TTC9: variants seen among roughly 807,000 people sequenced by gnomAD.
TTC9 encodes tetratricopeptide repeat protein 9A.
A neutral mutation model predicts 22.9 loss-of-function variants in TTC9; 13 were observed. That is an observed-to-expected ratio of 0.57 (90% CI 0.37 to 0.90). TTC9 has a LOEUF of 0.90. TTC9 is among the 40% of genes least tolerant of loss of function. TTC9 has a pLI of 0.01. For synonymous variants in TTC9, 148 were observed against 133.2 expected (o/e 1.11, Z -0.77); for missense variants, 280 against 291.8 (o/e 0.96, Z 0.29).
intron 1 of TTC9, among the ~76,000 whole-genome samples, chr14:70,650,315 G>C (rs987542585): frequency 7.2e-5 from 11 of 152,022 alleles, no homozygotes; most frequent in African/African-American, 2.7e-4. Context: ...CCCAGCTACT[G>C]GGGAGGCTGA....
At chr14:70,654,777 G>C (rs1360003022) in intron 1 of TTC9, among the ~76,000 whole-genome samples, 1 of 152,106 alleles carries the variant, frequency 6.6e-6, no homozygotes, top group Non-Finnish European at 1.5e-5. Flanking sequence ...AGAGACTTCA[G>C]TGCAGCCACA....
intron 1 of TTC9, among the ~76,000 whole-genome samples, chr14:70,658,264 G>A (rs1183304964): frequency 6.6e-6 from 1 of 152,174 alleles, no homozygotes; most frequent in African/African-American, 2.4e-5. Flanking sequence ...AGTTAAATGA[G>A]TTGTAAAACA....
intron 1 of TTC9, among the ~76,000 whole-genome samples, chr14:70,659,547 G>C (rs1886116704): frequency 6.6e-6 from 1 of 152,134 alleles, no homozygotes; most frequent in East Asian, 1.9e-4. Flanking sequence ...AGGAGGAGGG[G>C]AAACTTTGCA....
intron 1 of TTC9, 60 bp downstream of exon 1, chr14:70,642,595 G>A (rs1390995331): frequency 6.9e-7 from 1 of 1,448,948 alleles, no homozygotes; most frequent in East Asian, 2.6e-5. Flanking sequence ...TCCCTCCGCG[G>A]ACCACTGCGG....
rs1360286295 is a variant in TTC9, at chr14:70,671,150, A to G, written c.664A>G (p.Met222Val). The change falls in exon 3 of 3, where the codon ATG (methionine) becomes GTG (valine). Residue 222 changes from methionine to valine, a missense_variant. Around this residue, in one of 5 missense-constraint regions of TTC9, gnomAD observed 22 missense variants for 20.4 expected, o/e 1.08. Coordinates refer to ENST00000256367, the MANE Select transcript of TTC9 (RefSeq NM_015351.2). ...SRCSQREKEA[M>V] ...ATGCTCCCAGAGAGAAAAAGAAGCC[A>G]TGTAACCAGGAAGCAGCTCCAGAGC... The G allele has an allele frequency of 1.2e-6, 2 of 1,613,514 alleles. No homozygotes were observed. The highest frequency in any genetic ancestry group is 2.7e-5 in the African/African-American group (2 of 75,046).
chr14:70,657,474 AGT>A (rs1886084086), intron 1 of TTC9, among the ~76,000 whole-genome samples: 1 of 152,252 alleles, frequency 6.6e-6, no homozygotes, highest in Non-Finnish European at 1.5e-5. Context: ...CACACTTGAC[AGT>A]GTTTGTTTGA....
intron 1 of TTC9, among the ~76,000 whole-genome samples, chr14:70,643,529 C>T (rs754902625): frequency 3.9e-5 from 6 of 152,142 alleles, no homozygotes; most frequent in African/African-American, 9.7e-5. Flanking sequence ...CAACCTTCTC[C>T]GACCAAACAA....
At chr14:70,667,882 A>T (rs1886236615) in intron 2 of TTC9, 136 bp downstream of exon 2, 1 of 836,006 alleles carries the variant, frequency 1.2e-6, no homozygotes, top group Non-Finnish European at 1.8e-6. Flanking sequence ...GATATATATG[A>T]TAAGACCTAA....
chr14:70,663,162 C>T (rs967556627), intron 1 of TTC9, among the ~76,000 whole-genome samples: 3 of 152,272 alleles, frequency 2.0e-5, no homozygotes, highest in Non-Finnish European at 4.4e-5. Flanking sequence ...CTTTCTTTTC[C>T]AGCTTCACCT....
chr14:70,651,724 T>C (rs1885987206), intron 1 of TTC9, among the ~76,000 whole-genome samples: 1 of 152,114 alleles, frequency 6.6e-6, no homozygotes, highest in Non-Finnish European at 1.5e-5. Flanking sequence ...TCAGCACTTG[T>C]GATGTAAACT....
At position 70,671,614 on chromosome 14, in the gene TTC9, C is replaced by T. The variant is rs992847539; in HGVS notation, c.*459C>T. 6.8e-5 allele frequency: 11 copies of T among 160,938 alleles called. No homozygotes were observed. Among genetic ancestry groups the T allele is most frequent in the Admixed American group, 2.4e-4 (4 of 16,362 alleles). The allele number at this position is 160,938 out of a possible 1,614,324, so 10.0% of individuals were successfully genotyped here. A position where few individuals can be genotyped will look rare whatever the true frequency, so the allele number is the denominator to read the frequency against. ...GAGGCAACTGTTAGAAATCCAGGGA[C>T]GAGACAAACAGAGAAGCGCTGGTGA... On this transcript the variant is annotated 3_prime_UTR_variant, in exon 3 of 3. Coordinates refer to ENST00000256367, the MANE Select transcript of TTC9 (RefSeq NM_015351.2).
chr14:70,673,199 G>T lies in TTC9; in HGVS notation c.*2044G>T, dbSNP rs1432187177. 1.3e-5 allele frequency: 2 copies of T among 152,142 alleles called. No individual in the cohort carries two copies. Among genetic ancestry groups the T allele is most frequent in the Non-Finnish European group, 2.9e-5 (2 of 68,036 alleles). 9.4% of individuals were successfully genotyped at this position (152,142 alleles called of 1,614,324 possible). On this transcript the variant is annotated 3_prime_UTR_variant, in exon 3 of 3. Transcript: ENST00000256367. ...TCACCCATCCCCAGCATTGGGAAAG[G>T]GTCACAATTAAGACCGAAAGGAAAC... is the stretch of plus-strand genomic sequence containing the variant.
intron 2 of TTC9, among the ~76,000 whole-genome samples, chr14:70,668,903 TC>T (rs1460683467): frequency 4.9e-5 from 7 of 142,784 alleles, no homozygotes; most frequent in African/African-American, 7.8e-5. Context: ...ATGCCTGTAA[TC>T]CCAGCACTTT....
intron 1 of TTC9, among the ~76,000 whole-genome samples, chr14:70,666,066 T>G (rs910927164): frequency 2.6e-5 from 4 of 151,994 alleles, no homozygotes; most frequent in African/African-American, 9.7e-5. Context: ...ACTTTGCCGT[T>G]GGTCAATGCC....
Position 70,642,403 on chromosome 14 carries a change from C to CAA in TTC9, c.274_275insAA (p.Pro92GlnfsTer20). 6.3e-7 allele frequency: 1 copy of CAA among 1,599,862 alleles called. No homozygotes were observed. Among genetic ancestry groups the CAA allele is most frequent in the South Asian group, 1.1e-5 (1 of 88,830 alleles). ...GTTGCTGGAGCTGAAGGGGCTGCTGCCGCCCCCCGGGGAACGGGAGCGGGA... is the reference window on the plus strand; with the variant it reads ...GTTGCTGGAGCTGAAGGGGCTGCTGCAACGCCCCCCGGGGAACGGGAGCGGGA... On this transcript the variant is annotated frameshift_variant, in exon 1 of 3. Coordinates refer to ENST00000256367, the MANE Select transcript of TTC9 (RefSeq NM_015351.2). LOFTEE classifies it high-confidence loss of function.
chr14:70,654,923 T>G (rs1886040206), intron 1 of TTC9, among the ~76,000 whole-genome samples: 1 of 152,220 alleles, frequency 6.6e-6, no homozygotes, highest in Admixed American at 6.5e-5. Context: ...TGGTTGCCTT[T>G]GATTGGCTAA....
chr14:70,651,002 C>G (rs1466563483), intron 1 of TTC9, among the ~76,000 whole-genome samples: 3 of 150,982 alleles, frequency 2.0e-5, no homozygotes, highest in African/African-American at 7.3e-5. Flanking sequence ...TTTTTTGAGA[C>G]ATAGTCTCAT....
In TTC9 at chr14:70,642,552, C is replaced by A; in HGVS notation, c.406+17C>A. On this transcript the variant is annotated intron_variant, in intron 1 of 2. Transcript: ENST00000256367. Reference sequence around the variant, plus strand: ...GCCTGGCAGGTGAGCCGCGCCGCGCCCCCCGCGCCGCGGTCCCCGTTCTTC... The same window carrying A: ...GCCTGGCAGGTGAGCCGCGCCGCGCACCCCGCGCCGCGGTCCCCGTTCTTC... 6.5e-7 allele frequency: 1 copy of A among 1,527,566 alleles called. No individual in the cohort carries two copies. The highest frequency in any genetic ancestry group is 1.2e-5 in the South Asian group (1 of 83,096). The allele number at this position is 1,527,566 out of a possible 1,614,324, so 94.6% of individuals were successfully genotyped here.
intron 1 of TTC9, among the ~76,000 whole-genome samples, 169 bp from the exon 2 acceptor site, chr14:70,667,395 G>T (rs913852633): frequency 6.6e-6 from 1 of 152,188 alleles, no homozygotes; most frequent in Admixed American, 6.5e-5. Context: ...TGGCTTTTTA[G>T]TGATGAAACT....
Sources: allele counts gnomAD v4.1 joint callset (sites outside exome capture counted in the v4.1 genomes callset), GRCh38; gene constraint gnomAD v4.1.1; regional missense constraint gnomAD v4.1.1; transcripts MANE v1.5; gene names NCBI Gene and HGNC (gene_info 2026-07-23, HGNC 2026-07-21).